The following ZNF253 variants were observed in gnomAD, a reference collection of about 807,000 sequenced individuals.
The protein encoded by ZNF253 is DNA-binding protein.
ZNF253 carries 8 observed loss-of-function variants against 11.9 expected under a neutral mutation model. The observed-to-expected ratio is 0.67, with a 90% confidence interval of 0.40 to 1.22. The LOEUF (loss-of-function observed/expected upper bound fraction) is 1.22, where lower values mean the gene tolerates loss of function less well. ZNF253 is among the 50% of genes most tolerant of loss of function. The pLI, the probability that ZNF253 is intolerant of heterozygous loss-of-function variation, is 0.01. For missense variants in ZNF253, 485 were observed against 586.9 expected, an observed-to-expected ratio of 0.83 and a Z score of 1.79; for synonymous variants, 194 against 194.9, an observed-to-expected ratio of 1.00 and a Z score of 0.04.
chr19:19,876,680 T>C (rs914052236), intron 1 of ZNF253, among the ~76,000 whole-genome samples: 25 of 152,268 alleles, frequency 1.6e-4, no homozygotes, highest in African/African-American at 5.3e-4. Flanking sequence ...ACAGAGAATC[T>C]CGTCTGAGAA....
intron 1 of ZNF253, among the ~76,000 whole-genome samples, chr19:19,875,157 G>A (rs995233849): frequency 3.3e-5 from 5 of 152,096 alleles, no homozygotes; most frequent in African/African-American, 1.2e-4. Flanking sequence ...GAATCCTGCT[G>A]CCTTTCTAGA....
intron 3 of ZNF253, among the ~76,000 whole-genome samples, chr19:19,888,772 G>A (rs137929051): frequency 3.9e-5 from 6 of 152,184 alleles, no homozygotes; most frequent in African/African-American, 1.4e-4. Flanking sequence ...TTCTATTTTT[G>A]TGTATGTGCA....
At chr19:19,885,298 TTTTCTTTCTTTCTTTC>T (rs1555777998) in intron 3 of ZNF253, among the ~76,000 whole-genome samples, 536 of 37,476 alleles carry the variant, frequency 0.014, 36 homozygotes, top group South Asian at 0.039. Context: ...TTTCTCTTTC[TTTTCTTTCTTTCTTTC>T]TTTCTTTCTT....
chr19:19,884,862 T>C (rs1316888762), intron 3 of ZNF253, among the ~76,000 whole-genome samples: 3 of 152,198 alleles, frequency 2.0e-5, no homozygotes, highest in Non-Finnish European at 4.4e-5. Flanking sequence ...TTGTTTGTTA[T>C]GTTTCTTTTT....
At chr19:19,871,718 C>T (rs1440330143) in intron 1 of ZNF253, among the ~76,000 whole-genome samples, 1 of 152,098 alleles carries the variant, frequency 6.6e-6, no homozygotes, top group African/African-American at 2.4e-5. Context: ...TTATGGTGAC[C>T]ATCTTTCTGT....
chr19:19,889,468 T>C (rs756966922), intron 3 of ZNF253, among the ~76,000 whole-genome samples: 1 of 152,136 alleles, frequency 6.6e-6, no homozygotes, highest in Non-Finnish European at 1.5e-5. Flanking sequence ...TGCCTCAGCC[T>C]CCCAGTAGCT....
chr19:19,873,871 A>G (rs1203696678), intron 1 of ZNF253, among the ~76,000 whole-genome samples: 1 of 151,848 alleles, frequency 6.6e-6, no homozygotes, highest in Non-Finnish European at 1.5e-5. Context: ...TGTGATGTCT[A>G]CACCTGTAGG....
chr19:19,893,405 A>T lies in ZNF253; in HGVS notation c.*658A>T, dbSNP rs2063242412. 1 of 152,122 alleles carries T rather than the reference A, an allele frequency of 6.6e-6. No individual in the cohort carries two copies. Among genetic ancestry groups the T allele is most frequent in the Non-Finnish European group, 1.5e-5 (1 of 68,068 alleles). 9.4% of individuals were successfully genotyped at this position (152,122 alleles called of 1,614,324 possible). The stretch of plus-strand genomic sequence containing the variant: ...AAGATGCGACATTGCTTTTACCAAC[A>T]CCTCCACATTTCCTATACATAAAAA... On this transcript the variant is annotated 3_prime_UTR_variant, in exon 4 of 4. Transcript: ENST00000589717.
chr19:19,888,021 A>T (rs2063213394), intron 3 of ZNF253, among the ~76,000 whole-genome samples: 1 of 152,052 alleles, frequency 6.6e-6, no homozygotes, highest in African/African-American at 2.4e-5. Flanking sequence ...ATATATATTT[A>T]AATAGTTTTC....
chr19:19,894,070 G>T lies in ZNF253; in HGVS notation c.*1323G>T, dbSNP rs1000574501. ...AAATTGATTCTATGTAAATATCAGAGAATTTTCCATAGAATAATTAAGGCA... is the reference window on the plus strand; with the variant it reads ...AAATTGATTCTATGTAAATATCAGATAATTTTCCATAGAATAATTAAGGCA... On this transcript the variant is annotated 3_prime_UTR_variant, in exon 4 of 4. Coordinates refer to ENST00000589717, the MANE Select transcript of ZNF253 (RefSeq NM_021047.3). 6.6e-6 allele frequency: 1 copy of T among 152,160 alleles called. No homozygotes were observed. Among genetic ancestry groups the T allele is most frequent in the African/African-American group, 2.4e-5 (1 of 41,438 alleles). The allele number at this position is 152,160 out of a possible 1,614,324, so 9.4% of individuals were successfully genotyped here.
chr19:19,892,063 T>G lies in ZNF253; in HGVS notation c.816T>G (p.Thr272=). The G allele has an allele frequency of 6.2e-7, 1 of 1,613,794 alleles. No homozygotes were observed. The stretch of plus-strand genomic sequence containing the variant: ...CCTTCAACCGATCCACAGACCTTAC[T>G]ACACATAAGATAGTTCATACTGGAG... ...GKAFNRSTDL[T]THKIVHTGEK... Residue 272 remains threonine, a synonymous_variant, in exon 4 of 4, where the codon ACT becomes ACG. Coordinates refer to ENST00000589717, the MANE Select transcript of ZNF253 (RefSeq NM_021047.3).
At chr19:19,886,572 T>G (rs2063207149) in intron 3 of ZNF253, among the ~76,000 whole-genome samples, 1 of 152,196 alleles carries the variant, frequency 6.6e-6, no homozygotes, top group Non-Finnish European at 1.5e-5. Context: ...AACTTTTCAC[T>G]CTATTAATTC....
At chr19:19,876,728 T>C (rs977616200) in intron 1 of ZNF253, among the ~76,000 whole-genome samples, 1 of 151,976 alleles carries the variant, frequency 6.6e-6, no homozygotes, top group Non-Finnish European at 1.5e-5. Context: ...AAGTGGCTTT[T>C]CTGTTTCAGA....
intron 1 of ZNF253, chr19:19,870,731 T>G (rs1000812541): frequency 6.6e-6 from 1 of 152,158 alleles, no homozygotes; most frequent in Non-Finnish European, 1.5e-5. Context: ...TCTTAAAGTG[T>G]TGTTGGAAGT....
At chr19:19,866,084 A>C in intron 1 of ZNF253, 85 bp downstream of exon 1, 1 of 1,571,890 alleles carries the variant, frequency 6.4e-7, no homozygotes, top group East Asian at 2.2e-5. Flanking sequence ...CTGCTTCCTC[A>C]CAGTCAGCTC....
In ZNF253 at chr19:19,891,712, G is replaced by C. The variant is rs770349988; in HGVS notation, c.465G>C (p.Lys155Asn). 5 of 1,614,038 alleles carry C rather than the reference G, an allele frequency of 3.1e-6. No homozygotes were observed. Residue 155 changes from lysine to asparagine, a missense_variant, in exon 4 of 4, where the codon AAG becomes AAC. Transcript: ENST00000589717. ...ATAAATATGGAAAAGTCTTTCATAA[G>C]TTTTCAAATTCAAACACATATAAGA... is the stretch of plus-strand genomic sequence containing the variant. Reference protein sequence around the residue: ...QCDKYGKVFHKFSNSNTYKTR... With the variant: ...QCDKYGKVFHNFSNSNTYKTR...
At chr19:19,869,355 C>T (rs536917031) in intron 1 of ZNF253, among the ~76,000 whole-genome samples, 5 of 152,068 alleles carry the variant, frequency 3.3e-5, no homozygotes, top group African/African-American at 1.2e-4. Context: ...AGGCAAACTG[C>T]ATTAATATAA....
At chr19:19,866,948 CA>C (rs113717765) in intron 1 of ZNF253, among the ~76,000 whole-genome samples, 4,048 of 152,082 alleles carry the variant, frequency 0.027, 185 homozygotes, top group African/African-American at 0.091. Context: ...CAAAGAGGTA[CA>C]AAAAAGTTGG....
Position 19,892,289 on chromosome 19 carries a change from G to A in ZNF253, c.1042G>A (p.Ala348Thr), listed in dbSNP as rs764763877. ...CTACAAATGTGAAGAATGTGGCAAAGCCTTTCACCTATCCTCACACCTTAC... is the reference window on the plus strand; with the variant it reads ...CTACAAATGTGAAGAATGTGGCAAAACCTTTCACCTATCCTCACACCTTAC... ...KPYKCEECGK[A>T]FHLSSHLTTH... Residue 348 changes from alanine to threonine, a missense_variant, in exon 4 of 4, where the codon GCC becomes ACC. Physicochemically the swap from Ala to Thr is moderately conservative, Grantham distance 58. Around this residue, in one of 3 missense-constraint regions of ZNF253, gnomAD observed 232 missense variants for 321.4 expected, o/e 0.72. Coordinates refer to ENST00000589717, the MANE Select transcript of ZNF253 (RefSeq NM_021047.3). 8 of 1,611,016 alleles carry A rather than the reference G, an allele frequency of 5.0e-6. No homozygotes were observed. In the African/African-American group the frequency reaches 9.4e-5, roughly 19 times the overall value.
Sources: allele counts gnomAD v4.1 joint callset (sites outside exome capture counted in the v4.1 genomes callset), GRCh38; gene constraint gnomAD v4.1.1; regional missense constraint gnomAD v4.1.1; transcripts MANE v1.5; gene names NCBI Gene and HGNC (gene_info 2026-07-23, HGNC 2026-07-21).